Variants in KCNT2 observed in about 807,000 individuals in gnomAD.
KCNT2 encodes the protein potassium channel subfamily T member 2.
Under a neutral mutation model 153.8 loss-of-function variants are expected in KCNT2, and 67 were observed. That is an observed-to-expected ratio of 0.44 (90% CI 0.36 to 0.53). The LOEUF is 0.53. Among genes scored for constraint, KCNT2 ranks in the 20% least tolerant of loss-of-function variants. The pLI is 0.00. For synonymous variants in KCNT2, 500 were observed against 458.8 expected, an observed-to-expected ratio of 1.09 and a Z score of -1.15; for missense variants, 975 against 1,354.8, an observed-to-expected ratio of 0.72 and a Z score of 4.40.
rs771184034 is a variant in KCNT2 at position 196,425,807 on chromosome 1, T to C, written c.1121+45A>G. 6 of 1,597,664 alleles carry C rather than the reference T, an allele frequency of 3.8e-6. No homozygotes were observed. In the South Asian group the frequency reaches 4.4e-5, roughly 12 times the overall value. On this transcript the variant is annotated intron_variant, in intron 11 of 27. Coordinates refer to ENST00000294725, the MANE Select transcript of KCNT2 (RefSeq NM_198503.5). ...TTTGGAGGAAAGAGAAAATATTAAGTCACTCAAAACTGTAAGCTGCAAGAT... is the reference window on the plus strand; with the variant it reads ...TTTGGAGGAAAGAGAAAATATTAAGCCACTCAAAACTGTAAGCTGCAAGAT...
At chr1:196,530,539 G>C (rs1317403997) in intron 1 of KCNT2, among the ~76,000 whole-genome samples, 1 of 151,916 alleles carries the variant, frequency 6.6e-6, no homozygotes, top group Non-Finnish European at 1.5e-5. Flanking sequence ...ATTGTGATTT[G>C]ATCCTGTTTA....
At chr1:196,566,032 C>T (rs1202281509) in intron 1 of KCNT2, among the ~76,000 whole-genome samples, 1 of 151,674 alleles carries the variant, frequency 6.6e-6, no homozygotes, top group Admixed American at 6.6e-5. Context: ...CTGTATTTAG[C>T]AATTCTATAA....
In KCNT2 at chr1:196,241,198, T is replaced by C. The variant is rs528307015; in HGVS notation, c.3212-5128A>G. Among the ~76,000 whole-genome samples the C allele has an allele frequency of 5.3e-5, 8 of 151,838 alleles. No homozygotes were observed. In the South Asian group the frequency reaches 8.3e-4, roughly 16 times the overall value. ...GAGAAAGAGGGTTTTGTTTTGTTTT[T>C]GTTTTTGTTTTTGTTTTGTTAGTAC... On this transcript the variant is annotated intron_variant, in intron 26 of 27. Coordinates refer to ENST00000294725, the MANE Select transcript of KCNT2 (RefSeq NM_198503.5).
intron 12 of KCNT2, among the ~76,000 whole-genome samples, chr1:196,422,720 C>T (rs1673314911): frequency 1.3e-5 from 2 of 151,752 alleles, no homozygotes; most frequent in Non-Finnish European, 2.9e-5. Flanking sequence ...TCTGCTTTGT[C>T]TTAAGGTTGA....
At chr1:196,478,920 C>G (rs183214723) in intron 5 of KCNT2, among the ~76,000 whole-genome samples, 56 of 152,228 alleles carry the variant, frequency 3.7e-4, no homozygotes, top group Non-Finnish European at 6.8e-4. Flanking sequence ...AAAGTTGAAC[C>G]ATTCCATTTG....
chr1:196,284,013 C>A (rs1337519985), intron 23 of KCNT2, among the ~76,000 whole-genome samples: 1 of 150,532 alleles, frequency 6.6e-6, no homozygotes, highest in Non-Finnish European at 1.5e-5. Flanking sequence ...GGCCGATCAC[C>A]TGAGGTCAGG....
intron 13 of KCNT2, among the ~76,000 whole-genome samples, chr1:196,395,832 A>G (rs1204539827): frequency 6.6e-6 from 1 of 151,720 alleles, no homozygotes; most frequent in Non-Finnish European, 1.5e-5. Flanking sequence ...GGTAAACCGA[A>G]GGAGCTATTT....
At chr1:196,482,864 T>A (rs1679121875) in intron 3 of KCNT2, among the ~76,000 whole-genome samples, 1 of 152,094 alleles carries the variant, frequency 6.6e-6, no homozygotes. Flanking sequence ...TGGAAAACAG[T>A]ATGACTGGGG....
At chr1:196,355,630 A>G (rs2148241895) in intron 14 of KCNT2, among the ~76,000 whole-genome samples, 1 of 151,836 alleles carries the variant, frequency 6.6e-6, no homozygotes, top group Admixed American at 6.6e-5. Flanking sequence ...TTTCTCCTTC[A>G]ATAACTCTCA....
chr1:196,534,868 C>T (rs540225765), intron 1 of KCNT2, among the ~76,000 whole-genome samples: 1 of 152,268 alleles, frequency 6.6e-6, no homozygotes, highest in African/African-American at 2.4e-5. Flanking sequence ...CAGAAGAATT[C>T]TCAGCATCCT....
chr1:196,348,257 T>G (rs1666308113), intron 14 of KCNT2, among the ~76,000 whole-genome samples: 1 of 152,002 alleles, frequency 6.6e-6, no homozygotes, highest in South Asian at 2.1e-4. Flanking sequence ...GAAGTGAATT[T>G]AATATTATAT....
In KCNT2 at chr1:196,227,864, G is replaced by A. The variant is rs1653613394; in HGVS notation, c.*360C>T. On this transcript the variant is annotated 3_prime_UTR_variant, in exon 28 of 28. Transcript: ENST00000294725. ...TTTAAGAGGAGCAGCAGCATTCTGTGTCCATTGTGATGCACCAAATATAGT... is the reference window on the plus strand; with the variant it reads ...TTTAAGAGGAGCAGCAGCATTCTGTATCCATTGTGATGCACCAAATATAGT... 2 of 164,874 alleles carry A rather than the reference G, an allele frequency of 1.2e-5. No individual in the cohort carries two copies. The highest frequency in any genetic ancestry group is 2.6e-5 in the Non-Finnish European group (2 of 76,220). 10.2% of individuals were successfully genotyped at this position (164,874 alleles called of 1,614,324 possible). A position where few individuals can be genotyped will look rare whatever the true frequency, so the allele number is the denominator to read the frequency against.
intron 4 of KCNT2, among the ~76,000 whole-genome samples, chr1:196,481,874 C>T (rs1679047330): frequency 6.6e-6 from 1 of 152,096 alleles, no homozygotes; most frequent in Non-Finnish European, 1.5e-5. Flanking sequence ...AGGAACTAAG[C>T]TCTTACTATT....
At chr1:196,466,640 T>C (rs1455030499) in intron 7 of KCNT2, among the ~76,000 whole-genome samples, 1 of 152,054 alleles carries the variant, frequency 6.6e-6, no homozygotes, top group African/African-American at 2.4e-5. Flanking sequence ...CTGTGTACAT[T>C]TTGTATATAT....
At chr1:196,474,076 C>T (rs1678320918) in intron 5 of KCNT2, among the ~76,000 whole-genome samples, 2 of 151,990 alleles carry the variant, frequency 1.3e-5, no homozygotes, top group South Asian at 4.1e-4. Flanking sequence ...ATAAAGAAAT[C>T]TCAATCCAAT....
chr1:196,288,276 G>A (rs1659864105), intron 22 of KCNT2, among the ~76,000 whole-genome samples: 1 of 152,054 alleles, frequency 6.6e-6, no homozygotes. Context: ...AGGTCTTAAA[G>A]TACCAAGATA....
intron 1 of KCNT2, among the ~76,000 whole-genome samples, chr1:196,605,665 A>C (rs950440029): frequency 1.4e-4 from 21 of 152,190 alleles, no homozygotes; most frequent in Admixed American, 2.6e-4. Context: ...ATTGAGTCCA[A>C]GAAGATAACT....
chr1:196,361,250 A>C (rs1167894143), intron 14 of KCNT2, among the ~76,000 whole-genome samples: 1 of 151,928 alleles, frequency 6.6e-6, no homozygotes, highest in South Asian at 2.1e-4. Context: ...CCCTGCCCAC[A>C]CAAACAGAGG....
intron 1 of KCNT2, among the ~76,000 whole-genome samples, chr1:196,573,571 A>C (rs1333712873): frequency 6.6e-6 from 1 of 152,142 alleles, no homozygotes; most frequent in South Asian, 2.1e-4. Context: ...ATTTTCTTTA[A>C]GCTGTTTTTC....
Sources: gnomAD v4.1 joint callset for allele counts (sites outside exome capture counted in the v4.1 genomes callset) on GRCh38, gnomAD v4.1.1 for gene constraint, MANE v1.5 for transcripts, NCBI Gene and HGNC (gene_info 2026-07-23, HGNC 2026-07-21) for gene names.